The following PPP2R2B variants were observed in gnomAD, a reference collection of about 807,000 sequenced individuals.
PPP2R2B encodes the protein protein phosphatase 2 regulatory subunit Bbeta.
Under a neutral mutation model 46.0 loss-of-function variants are expected in PPP2R2B, and 5 were observed. That is an observed-to-expected ratio of 0.11 (90% CI 0.06 to 0.23). The LOEUF (loss-of-function observed/expected upper bound fraction) is 0.23, where lower values mean the gene tolerates loss of function less well. Among genes scored for constraint, PPP2R2B ranks in the 10% least tolerant of loss-of-function variants. PPP2R2B has a pLI of 1.00. For synonymous variants in PPP2R2B, 215 were observed against 206.7 expected (o/e 1.04, Z -0.34); for missense variants, 367 against 575.0 (o/e 0.64, Z 3.70).
chr5:146,886,471 T>C (rs1364748019), intron 1 of PPP2R2B, among the ~76,000 whole-genome samples: 1 of 152,150 alleles, frequency 6.6e-6, no homozygotes, highest in African/African-American at 2.4e-5. Context: ...TTGAATCTTA[T>C]GGCATGTGAG....
intron 2 of PPP2R2B, among the ~76,000 whole-genome samples, chr5:146,785,261 A>G (rs1755764209): frequency 6.6e-6 from 1 of 152,144 alleles, no homozygotes. Flanking sequence ...AAGATAAAAT[A>G]GCTGGCCAGG....
intron 1 of PPP2R2B, among the ~76,000 whole-genome samples, chr5:146,884,282 C>T (rs1762257004): frequency 6.6e-6 from 1 of 151,978 alleles, no homozygotes; most frequent in Non-Finnish European, 1.5e-5. Flanking sequence ...CAAACTTCTG[C>T]CATAATGTTA....
chr5:146,817,718 C>T (rs1758013521), intron 2 of PPP2R2B, among the ~76,000 whole-genome samples: 1 of 152,180 alleles, frequency 6.6e-6, no homozygotes, highest in East Asian at 1.9e-4. Context: ...CATTTCCAAG[C>T]TCATTTTCCC....
At chr5:147,048,883 T>G (rs1369323322) in intron 1 of PPP2R2B, among the ~76,000 whole-genome samples, 2 of 152,150 alleles carry the variant, frequency 1.3e-5, no homozygotes, top group African/African-American at 4.8e-5. Flanking sequence ...TTCTGCCTAC[T>G]GGAGATATAG....
chr5:146,653,732 A>G (rs1253984160), intron 5 of PPP2R2B, among the ~76,000 whole-genome samples: 1 of 152,190 alleles, frequency 6.6e-6, no homozygotes, highest in African/African-American at 2.4e-5. Context: ...GCTTAATGTG[A>G]TGGGCCTGCC....
intron 2 of PPP2R2B, among the ~76,000 whole-genome samples, chr5:146,755,926 C>T (rs2151244322): frequency 6.6e-6 from 1 of 152,334 alleles, no homozygotes; most frequent in African/African-American, 2.4e-5. Flanking sequence ...AAAATGCCTT[C>T]TGGGTGACTG....
At chr5:146,606,803 T>G (rs984132929) in intron 7 of PPP2R2B, among the ~76,000 whole-genome samples, 9 of 152,088 alleles carry the variant, frequency 5.9e-5, no homozygotes, top group African/African-American at 2.2e-4. Context: ...TGTCTCTCAT[T>G]TCAATGTCAC....
At chr5:146,703,208 T>C (rs1218692994) in intron 2 of PPP2R2B, among the ~76,000 whole-genome samples, 1 of 152,216 alleles carries the variant, frequency 6.6e-6, no homozygotes, top group Non-Finnish European at 1.5e-5. Flanking sequence ...CTTCCAAATT[T>C]GGGTACAGCC....
At chr5:146,719,819 TAA>T (rs1249584971) in intron 2 of PPP2R2B, among the ~76,000 whole-genome samples, 2 of 151,820 alleles carry the variant, frequency 1.3e-5, no homozygotes, top group Non-Finnish European at 2.9e-5. Flanking sequence ...CTAAAAAGTA[TAA>T]AGTTTCATTT....
At chr5:146,653,505 C>T (rs550282330) in intron 5 of PPP2R2B, among the ~76,000 whole-genome samples, 203 of 152,256 alleles carry the variant, frequency 1.3e-3, no homozygotes, top group African/African-American at 4.6e-3. Flanking sequence ...GTTCCTCTGC[C>T]GTCAAGAGGT....
intron 2 of PPP2R2B, among the ~76,000 whole-genome samples, chr5:146,858,730 C>T (rs558707325): frequency 3.3e-5 from 5 of 152,066 alleles, no homozygotes; most frequent in Admixed American, 6.5e-5. Flanking sequence ...GATACTTGAG[C>T]GCAATATACA....
intron 7 of PPP2R2B, 51 bp downstream of exon 7, chr5:146,638,200 C>T (rs780892735): frequency 1.3e-6 from 2 of 1,571,802 alleles, no homozygotes; most frequent in African/African-American, 2.7e-5. Flanking sequence ...TCTCCCCCAG[C>T]ACATTGGGGC....
At chr5:146,747,506 GCATGAGGGAACTTAC>G (rs1398496311) in intron 2 of PPP2R2B, among the ~76,000 whole-genome samples, 6 of 152,146 alleles carry the variant, frequency 3.9e-5, no homozygotes, top group African/African-American at 1.4e-4. Context: ...AGAATGAATA[GCATGAGGGAACTTAC>G]CACTTCAACA....
chr5:147,006,679 C>T (rs1349580379), intron 1 of PPP2R2B, among the ~76,000 whole-genome samples: 1 of 152,190 alleles, frequency 6.6e-6, no homozygotes, highest in South Asian at 2.1e-4. Flanking sequence ...ACTACAATCC[C>T]AAATAGACTC....
chr5:146,883,441 C>A (rs1762231385), upstream of PPP2R2B, among the ~76,000 whole-genome samples: 1 of 152,148 alleles, frequency 6.6e-6, no homozygotes, highest in Non-Finnish European at 1.5e-5. Context: ...AGTTTTACTG[C>A]CTATCAATCT....
intron 6 of PPP2R2B, among the ~76,000 whole-genome samples, chr5:146,641,067 T>C (rs561443885): frequency 1.3e-5 from 2 of 152,256 alleles, no homozygotes; most frequent in Non-Finnish European, 2.9e-5. Context: ...ATGATGAAGT[T>C]AAGAGGAAGA....
At chr5:146,799,642 T>C (rs560591784) in intron 2 of PPP2R2B, among the ~76,000 whole-genome samples, 2 of 152,190 alleles carry the variant, frequency 1.3e-5, no homozygotes, top group Admixed American at 1.3e-4. Flanking sequence ...GAATGAAGCA[T>C]GAATCACAGA....
At chr5:146,698,193 C>T (rs1410338994) in intron 3 of PPP2R2B, 49 bp from the exon 4 acceptor site, 3 of 1,468,332 alleles carry the variant, frequency 2.0e-6, no homozygotes, top group East Asian at 5.1e-5. Flanking sequence ...CAGTAGCCAA[C>T]TGTAAAACTC....
At chr5:146,706,141 C>A (rs1380456778) in intron 2 of PPP2R2B, among the ~76,000 whole-genome samples, 1 of 152,144 alleles carries the variant, frequency 6.6e-6, no homozygotes, top group Non-Finnish European at 1.5e-5. Flanking sequence ...CCTTGCACAG[C>A]AGCCTCCCTC....
Sources: allele counts gnomAD v4.1 joint callset (sites outside exome capture counted in the v4.1 genomes callset), GRCh38; gene constraint gnomAD v4.1.1; transcripts MANE v1.5; gene names NCBI Gene and HGNC (gene_info 2026-07-23, HGNC 2026-07-21).